The following CACNA2D3 variants were observed in gnomAD, a reference collection of about 807,000 sequenced individuals.
CACNA2D3 encodes calcium voltage-gated channel auxiliary subunit alpha2delta 3.
A neutral mutation model predicts 160.6 loss-of-function variants in CACNA2D3; 60 were observed. That is an observed-to-expected ratio of 0.37 (90% CI 0.30 to 0.46). The LOEUF is 0.46. Ranked by LOEUF, CACNA2D3 falls within the 20% of genes least tolerant of loss-of-function variation. The pLI is 1.00. For missense variants in CACNA2D3, 1,205 were observed against 1,365.0 expected, an observed-to-expected ratio of 0.88 and a Z score of 1.85; for synonymous variants, 558 against 492.9, an observed-to-expected ratio of 1.13 and a Z score of -1.75.
At chr3:55,058,350 A>G (rs150299790) in intron 35 of CACNA2D3, among the ~76,000 whole-genome samples, 1 of 152,232 alleles carries the variant, frequency 6.6e-6, no homozygotes, top group Non-Finnish European at 1.5e-5. Flanking sequence ...GCAAAAATGT[A>G]TCAAGCTCCA....
At chr3:54,646,308 A>G (rs1321553770) in intron 11 of CACNA2D3, among the ~76,000 whole-genome samples, 1 of 150,604 alleles carries the variant, frequency 6.6e-6, no homozygotes, top group Non-Finnish European at 1.5e-5. Context: ...GGTTTTTTAC[A>G]TAGGTAAACA....
rs558078293 is a variant in CACNA2D3 at position 54,511,710 on chromosome 3, A to G, written c.544+8056A>G. On this transcript the variant is annotated intron_variant, in intron 5 of 37. Coordinates refer to ENST00000474759, the MANE Select transcript of CACNA2D3 (RefSeq NM_018398.3). ...GTGGTACCAGGAGCAGTAAAGGACA[A>G]TGGGAGAGCAGGAATGGTTACTAAT... is the stretch of plus-strand genomic sequence containing the variant. Among the ~76,000 whole-genome samples, 26 of 152,304 alleles carry G rather than the reference A, an allele frequency of 1.7e-4. No individual in the cohort carries two copies. In the East Asian group the frequency reaches 2.7e-3, roughly 16 times the overall value.
chr3:54,790,017 A>C (rs925870245), intron 13 of CACNA2D3: 3 of 364,272 alleles, frequency 8.2e-6, no homozygotes, highest in Admixed American at 6.9e-5. Context: ...GAATGATTTC[A>C]CTTTCCTTCC....
At chr3:54,859,738 C>G (rs188227144) in intron 17 of CACNA2D3, among the ~76,000 whole-genome samples, 1 of 152,182 alleles carries the variant, frequency 6.6e-6, no homozygotes, top group East Asian at 1.9e-4. Flanking sequence ...CTGGTAGCCT[C>G]TGGGTTCAGG....
At position 54,898,713 on chromosome 3, in the gene CACNA2D3, A is replaced by G. The variant is rs111601228; in HGVS notation, c.2369-1075A>G. On this transcript the variant is annotated intron_variant, in intron 26 of 37. Transcript: ENST00000474759. ...TTCTGATTCTGGAATCATCGAGTTA[A>G]CTAAAGCTGTTGTTGGATTGGTTTT... Among the ~76,000 whole-genome samples the G allele has an allele frequency of 1.5e-3, 228 of 152,326 alleles. 1 individual carries two copies. The highest frequency in any genetic ancestry group is 6.8e-3 in the Middle Eastern group (2 of 294).
At chr3:55,032,202 T>TTTC (rs1474893134) in intron 35 of CACNA2D3, among the ~76,000 whole-genome samples, 1 of 152,148 alleles carries the variant, frequency 6.6e-6, no homozygotes, top group Non-Finnish European at 1.5e-5. Flanking sequence ...GGAGTTGAAT[T>TTTC]AAGTCCAGAT....
chr3:54,563,327 C>G (rs2106707522), intron 6 of CACNA2D3, among the ~76,000 whole-genome samples: 1 of 152,278 alleles, frequency 6.6e-6, no homozygotes, highest in Non-Finnish European at 1.5e-5. Context: ...CAATTAAATT[C>G]TCACTAACAG....
Position 54,918,806 on chromosome 3 carries a change from G to T in CACNA2D3, c.2449+18938G>T, listed in dbSNP as rs1348280960. On this transcript the variant is annotated intron_variant, in intron 27 of 37. Coordinates refer to ENST00000474759, the MANE Select transcript of CACNA2D3 (RefSeq NM_018398.3). ...GGATCAGGAGCAGGAAGAGGGCAGG[G>T]CTGGTACAGCTCATGAGGGATCCTA... 3.7e-6 allele frequency: 6 copies of T among 1,613,450 alleles called. No individual in the cohort carries two copies. The African/African-American group carries it at 8.0e-5, about 22-fold the overall frequency.
chr3:54,693,094 C>T (rs951268911), intron 11 of CACNA2D3, among the ~76,000 whole-genome samples: 2 of 152,096 alleles, frequency 1.3e-5, no homozygotes, highest in Non-Finnish European at 2.9e-5. Context: ...CACAAAGCTG[C>T]AGGTTTTAAT....
chr3:54,233,065 G>C (rs1701806095), intron 2 of CACNA2D3, among the ~76,000 whole-genome samples: 1 of 152,318 alleles, frequency 6.6e-6, no homozygotes, highest in Middle Eastern at 3.4e-3. Context: ...GAGAGGAAGA[G>C]TGGTTGGGTG....
At chr3:54,793,951 T>A (rs1702813173) in intron 13 of CACNA2D3, among the ~76,000 whole-genome samples, 1 of 152,154 alleles carries the variant, frequency 6.6e-6, no homozygotes, top group Non-Finnish European at 1.5e-5. Context: ...TCAATTTTTC[T>A]CATTTGTGTT....
intron 12 of CACNA2D3, among the ~76,000 whole-genome samples, chr3:54,755,823 T>G (rs1464183387): frequency 1.3e-5 from 2 of 152,210 alleles, no homozygotes; most frequent in Non-Finnish European, 2.9e-5. Flanking sequence ...TTAATTTTTT[T>G]TAAAAAAATT....
Position 54,137,323 on chromosome 3 carries a change from G to A in CACNA2D3, c.204+13729G>A, listed in dbSNP as rs79826102. Among the ~76,000 whole-genome samples, 1,004 of 152,298 alleles carry A rather than the reference G, an allele frequency of 6.6e-3. 8 individuals are homozygous for A. Among genetic ancestry groups the A allele is most frequent in the African/African-American group, 0.023 (949 of 41,544 alleles). On this transcript the variant is annotated intron_variant, in intron 2 of 37. Coordinates refer to ENST00000474759, the MANE Select transcript of CACNA2D3 (RefSeq NM_018398.3). Reference sequence around the variant, plus strand: ...TTTAGAAATCACTGAGCACAGTTGAGTGGCCATTCTCCAATTTGTGAGATG... The same window carrying A: ...TTTAGAAATCACTGAGCACAGTTGAATGGCCATTCTCCAATTTGTGAGATG...
chr3:55,054,104 T>C lies in CACNA2D3; in HGVS notation c.2988-19341T>C, dbSNP rs1238290051. ...AAGGTTTACAGTATACATCTTTAAT[T>C]GCTCATGTTCTATCTTCAAATAATA... is the stretch of plus-strand genomic sequence containing the variant. On this transcript the variant is annotated intron_variant, in intron 35 of 37. Transcript: ENST00000474759. Among the ~76,000 whole-genome samples, 6 of 152,038 alleles carry C rather than the reference T, an allele frequency of 3.9e-5. No individual in the cohort carries two copies. In the East Asian group the frequency reaches 1.2e-3, roughly 29 times the overall value.
intron 12 of CACNA2D3, among the ~76,000 whole-genome samples, chr3:54,753,329 G>A (rs1353953166): frequency 6.6e-6 from 1 of 152,190 alleles, no homozygotes; most frequent in African/African-American, 2.4e-5. Context: ...GGGGCTTCAA[G>A]ACTGGTTCTG....
chr3:54,420,829 C>T (rs1402046405), intron 4 of CACNA2D3, among the ~76,000 whole-genome samples: 2 of 152,126 alleles, frequency 1.3e-5, no homozygotes, highest in East Asian at 3.9e-4. Context: ...TTTTCTGTGA[C>T]CAGTGGGTAA....
intron 13 of CACNA2D3, among the ~76,000 whole-genome samples, chr3:54,801,421 C>T (rs149931250): frequency 6.6e-6 from 1 of 152,130 alleles, no homozygotes; most frequent in Non-Finnish European, 1.5e-5. Context: ...GTGCAATACC[C>T]TTTAACCAGT....
Position 54,733,936 on chromosome 3 carries a change from C to T in CACNA2D3, c.1168-18663C>T, listed in dbSNP as rs113407772. Among the ~76,000 whole-genome samples the T allele has an allele frequency of 1.6e-3, 239 of 151,486 alleles. 2 individuals are homozygous for T. The highest frequency in any genetic ancestry group is 5.5e-3 in the African/African-American group (228 of 41,258). On this transcript the variant is annotated intron_variant, in intron 11 of 37. Transcript: ENST00000474759. ...CCATCTGCACAAAGTACAAAGAACTCGATTTTTATTGTAGCAGTGAGATTG... is the reference window on the plus strand; with the variant it reads ...CCATCTGCACAAAGTACAAAGAACTTGATTTTTATTGTAGCAGTGAGATTG...
chr3:54,337,217 T>C (rs1704404995), intron 3 of CACNA2D3, among the ~76,000 whole-genome samples: 2 of 152,208 alleles, frequency 1.3e-5, no homozygotes, highest in South Asian at 4.1e-4. Context: ...AGTGAACTTT[T>C]CTTAACTGCT....
Sources: gnomAD v4.1 joint callset for allele counts (sites outside exome capture counted in the v4.1 genomes callset) on GRCh38, gnomAD v4.1.1 for gene constraint, MANE v1.5 for transcripts, NCBI Gene and HGNC (gene_info 2026-07-23, HGNC 2026-07-21) for gene names.